The following EXOC4 variants were observed in gnomAD, a reference collection of about 807,000 sequenced individuals.
The protein encoded by EXOC4 is SEC8-like 1.
In EXOC4, 71 loss-of-function variants were observed where a neutral mutation model predicts 107.2. The observed-to-expected ratio is 0.66, with a 90% CI of 0.55 to 0.81. The LOEUF (loss-of-function observed/expected upper bound fraction) is 0.81. Ranked by LOEUF, EXOC4 falls within the 30% of genes least tolerant of loss-of-function variation. The pLI is 0.00. For synonymous variants in EXOC4, 456 were observed against 441.2 expected (o/e 1.03, Z -0.42); for missense variants, 1,108 against 1,189.6 (o/e 0.93, Z 1.01).
At position 133,308,347 on chromosome 7, in the gene EXOC4, G is replaced by A. The variant is rs150315323; in HGVS notation, c.656+2286G>A. ...TTAGAAAGTGACTAAGTTGAAATGA[G>A]GTCATTTGTGTGGGCTCTAATCCAG... On this transcript the variant is annotated intron_variant, in intron 4 of 17. Transcript: ENST00000253861. Among the ~76,000 whole-genome samples, 748 of 152,264 alleles carry A rather than the reference G, an allele frequency of 4.9e-3. 3 individuals carry two copies. Among genetic ancestry groups the A allele is most frequent in the African/African-American group, 0.017 (709 of 41,546 alleles).
At chr7:133,749,683 C>A (rs1001285906) in intron 10 of EXOC4, among the ~76,000 whole-genome samples, 14 of 152,192 alleles carry the variant, frequency 9.2e-5, no homozygotes, top group African/African-American at 3.4e-4. Flanking sequence ...CATGAGCCAC[C>A]AGGCCTGGCC....
At chr7:133,772,786 T>G (rs1444350278) in intron 10 of EXOC4, among the ~76,000 whole-genome samples, 1 of 152,050 alleles carries the variant, frequency 6.6e-6, no homozygotes, top group African/African-American at 2.4e-5. Context: ...TTGCCAAGAT[T>G]GTGCAGTTTC....
intron 17 of EXOC4, among the ~76,000 whole-genome samples, chr7:134,038,008 T>C (rs1795430505): frequency 6.6e-6 from 1 of 152,218 alleles, no homozygotes; most frequent in Admixed American, 6.5e-5. Flanking sequence ...AGATAACTTA[T>C]CTTCCACTGT....
chr7:133,793,572 C>T (rs1026026259), intron 10 of EXOC4, among the ~76,000 whole-genome samples: 18 of 152,134 alleles, frequency 1.2e-4, no homozygotes, highest in South Asian at 4.1e-4. Context: ...AGGCCAGGTG[C>T]GGTGGCTCAC....
chr7:133,960,381 G>T (rs111364057), intron 14 of EXOC4, among the ~76,000 whole-genome samples: 1 of 152,194 alleles, frequency 6.6e-6, no homozygotes, highest in Non-Finnish European at 1.5e-5. Context: ...ATGATTTAGG[G>T]AGGGTTCCCT....
chr7:133,752,047 G>A (rs1036804694), intron 10 of EXOC4, among the ~76,000 whole-genome samples: 1 of 151,794 alleles, frequency 6.6e-6, no homozygotes, highest in Admixed American at 6.6e-5. Flanking sequence ...TATAGTCCTA[G>A]CTACTTGGGA....
chr7:133,323,290 G>A (rs1795158256), intron 5 of EXOC4, among the ~76,000 whole-genome samples: 1 of 152,042 alleles, frequency 6.6e-6, no homozygotes, highest in African/African-American at 2.4e-5. Flanking sequence ...TTCTTGTGCT[G>A]GTTTTCAAAG....
chr7:133,253,179 T>C lies in EXOC4; in HGVS notation c.78T>C (p.Ser26=). The change falls in exon 1 of 18, where the codon TCT becomes TCC. Residue 26 remains serine (S), a synonymous_variant. Coordinates refer to ENST00000253861, the MANE Select transcript of EXOC4 (RefSeq NM_021807.4). ...KSKDPSGLLI[S]VIRTLSTSDD... Reference sequence around the variant, plus strand: ...AAGACCCCTCGGGGCTGCTCATCTCTGTGATCAGGTGAGGGAGGCAGGAGG... The same window carrying C: ...AAGACCCCTCGGGGCTGCTCATCTCCGTGATCAGGTGAGGGAGGCAGGAGG... 6.2e-7 allele frequency: 1 copy of C among 1,612,546 alleles called. No homozygotes were observed. The highest frequency in any genetic ancestry group is 8.5e-7 in the Non-Finnish European group (1 of 1,178,610).
At chr7:133,289,905 G>GT (rs908487655) in intron 3 of EXOC4, among the ~76,000 whole-genome samples, 44 of 152,218 alleles carry the variant, frequency 2.9e-4, no homozygotes, top group Non-Finnish European at 5.6e-4. Context: ...TTGAATTGTT[G>GT]TTTTTTCCTT....
intron 9 of EXOC4, among the ~76,000 whole-genome samples, chr7:133,588,544 T>TA (rs1801460574): frequency 1.3e-5 from 2 of 152,198 alleles, no homozygotes; most frequent in Non-Finnish European, 2.9e-5. Flanking sequence ...AATGAAGACT[T>TA]ACCACTTTTT....
chr7:133,949,237 T>C (rs1480978838), intron 14 of EXOC4, among the ~76,000 whole-genome samples: 5 of 152,208 alleles, frequency 3.3e-5, no homozygotes, highest in Non-Finnish European at 4.4e-5. Context: ...TTGTAAATTA[T>C]ACAATAAAAG....
chr7:133,861,770 GT>G, intron 11 of EXOC4, among the ~76,000 whole-genome samples: 1 of 152,286 alleles, frequency 6.6e-6, no homozygotes, highest in East Asian at 1.9e-4. Flanking sequence ...CTGAACTCAA[GT>G]GATTCACCTG....
intron 14 of EXOC4, among the ~76,000 whole-genome samples, chr7:133,945,215 G>A (rs1435124662): frequency 6.6e-6 from 1 of 152,102 alleles, no homozygotes; most frequent in African/African-American, 2.4e-5. Context: ...GTAAAGGAGT[G>A]GTTTTCAGCC....
At chr7:133,546,219 G>A (rs998819915) in intron 9 of EXOC4, among the ~76,000 whole-genome samples, 1 of 149,508 alleles carries the variant, frequency 6.7e-6, no homozygotes, top group African/African-American at 2.5e-5. Flanking sequence ...TTTACATACA[G>A]CAAAATTTCA....
chr7:133,498,362 G>C (rs1459136038), intron 9 of EXOC4, among the ~76,000 whole-genome samples: 1 of 152,122 alleles, frequency 6.6e-6, no homozygotes, highest in African/African-American at 2.4e-5. Flanking sequence ...GAGATGGGTG[G>C]ATCACGAGGT....
chr7:133,343,250 T>A (rs1010967684), intron 5 of EXOC4, among the ~76,000 whole-genome samples: 1 of 152,062 alleles, frequency 6.6e-6, no homozygotes. Context: ...TCCCCTATGG[T>A]TGGGGCTTCC....
At chr7:133,979,261 A>G (rs1793915623) in intron 14 of EXOC4, among the ~76,000 whole-genome samples, 1 of 152,168 alleles carries the variant, frequency 6.6e-6, no homozygotes, top group Non-Finnish European at 1.5e-5. Context: ...GTTTAGATTC[A>G]GAATCATTAC....
At chr7:133,405,952 T>A (rs1157463149) in intron 7 of EXOC4, among the ~76,000 whole-genome samples, 1 of 152,208 alleles carries the variant, frequency 6.6e-6, no homozygotes, top group East Asian at 1.9e-4. Context: ...GTGCCTACTG[T>A]GAGCCAGACA....
intron 10 of EXOC4, among the ~76,000 whole-genome samples, chr7:133,750,342 A>G (rs1795770209): frequency 6.6e-6 from 1 of 152,058 alleles, no homozygotes; most frequent in South Asian, 2.1e-4. Context: ...TTTTCAGGGT[A>G]TCCATTGAAC....
Sources: allele counts gnomAD v4.1 joint callset (sites outside exome capture counted in the v4.1 genomes callset), GRCh38; gene constraint gnomAD v4.1.1; transcripts MANE v1.5; gene names NCBI Gene and HGNC (gene_info 2026-07-23, HGNC 2026-07-21).